Variants in GRID1 observed in about 807,000 individuals in gnomAD.
The protein encoded by GRID1 is glutamate ionotropic receptor delta type subunit 1.
A neutral mutation model predicts 98.0 loss-of-function variants in GRID1; 28 were observed. That is an observed-to-expected ratio of 0.29 (90% CI 0.21 to 0.39). The LOEUF is 0.39. GRID1 is among the 10% of genes least tolerant of loss of function. GRID1 has a pLI of 1.00. For missense variants in GRID1, 1,111 were observed against 1,340.5 expected (o/e 0.83, Z 2.67); for synonymous variants, 553 against 538.5 (o/e 1.03, Z -0.37).
intron 4 of GRID1, among the ~76,000 whole-genome samples, chr10:86,039,793 C>T (rs748322544): frequency 6.6e-6 from 1 of 152,180 alleles, no homozygotes; most frequent in East Asian, 1.9e-4. Flanking sequence ...GGTCTTTAAT[C>T]CACCAATAAA....
At chr10:86,130,932 T>C (rs1844826046) in intron 4 of GRID1, among the ~76,000 whole-genome samples, 1 of 152,256 alleles carries the variant, frequency 6.6e-6, no homozygotes, top group Middle Eastern at 3.4e-3. Context: ...CCTGCCCGTC[T>C]GCGTGCCCCC....
intron 4 of GRID1, among the ~76,000 whole-genome samples, chr10:85,952,369 A>C (rs1842136795): frequency 6.6e-6 from 1 of 152,248 alleles, no homozygotes. Flanking sequence ...TTTAAGATCC[A>C]TCCAGAGGAA....
chr10:85,945,384 T>G (rs1842042741), intron 4 of GRID1, among the ~76,000 whole-genome samples: 1 of 152,216 alleles, frequency 6.6e-6, no homozygotes, highest in Admixed American at 6.5e-5. Flanking sequence ...TAACCCTTTG[T>G]AATACAGTAA....
chr10:86,061,640 C>G (rs182990814), intron 4 of GRID1, among the ~76,000 whole-genome samples: 1 of 152,310 alleles, frequency 6.6e-6, no homozygotes, highest in Admixed American at 6.5e-5. Flanking sequence ...AGGTCCCCAT[C>G]ATGCAGGACT....
intron 3 of GRID1, among the ~76,000 whole-genome samples, chr10:86,181,786 G>C (rs1845658835): frequency 1.3e-5 from 2 of 152,080 alleles, no homozygotes; most frequent in African/African-American, 4.8e-5. Flanking sequence ...ATAATAACAA[G>C]TTTTCTTAAT....
intron 2 of GRID1, among the ~76,000 whole-genome samples, chr10:86,256,224 G>T (rs1316315295): frequency 6.6e-6 from 1 of 152,168 alleles, no homozygotes; most frequent in African/African-American, 2.4e-5. Flanking sequence ...TCACCCTGAG[G>T]CTGCATCTCT....
chr10:86,343,471 G>A (rs551981511), intron 2 of GRID1, among the ~76,000 whole-genome samples: 4 of 152,220 alleles, frequency 2.6e-5, no homozygotes, highest in African/African-American at 7.2e-5. Context: ...TAAAATTACT[G>A]TAAAATTATG....
chr10:85,976,436 A>G (rs1474891128), intron 4 of GRID1, among the ~76,000 whole-genome samples: 2 of 152,208 alleles, frequency 1.3e-5, no homozygotes, highest in African/African-American at 4.8e-5. Context: ...GCTCCTGCTC[A>G]CCAGACCCAT....
At chr10:86,122,150 T>G (rs1844686137) in intron 4 of GRID1, among the ~76,000 whole-genome samples, 1 of 152,226 alleles carries the variant, frequency 6.6e-6, no homozygotes, top group Non-Finnish European at 1.5e-5. Context: ...CCCCACACAT[T>G]ACGTCCTTTA....
At chr10:85,768,473 A>C (rs1842219310) in intron 8 of GRID1, among the ~76,000 whole-genome samples, 1 of 152,198 alleles carries the variant, frequency 6.6e-6, no homozygotes, top group Non-Finnish European at 1.5e-5. Flanking sequence ...TCTGATGAAA[A>C]TATTGGCAAT....
At chr10:86,337,976 G>A (rs1455056101) in intron 2 of GRID1, among the ~76,000 whole-genome samples, 1 of 152,100 alleles carries the variant, frequency 6.6e-6, no homozygotes, top group African/African-American at 2.4e-5. Context: ...CCGAAGTGCT[G>A]GGATTACAGG....
intron 12 of GRID1, among the ~76,000 whole-genome samples, chr10:85,662,725 T>C (rs142136385): frequency 6.6e-6 from 1 of 152,318 alleles, no homozygotes; most frequent in Non-Finnish European, 1.5e-5. Context: ...AGGGCTGCAC[T>C]GTGTCGTAGG....
intron 12 of GRID1, among the ~76,000 whole-genome samples, chr10:85,693,969 T>A (rs575839462): frequency 6.6e-6 from 1 of 152,132 alleles, no homozygotes; most frequent in South Asian, 2.1e-4. Context: ...AAAGAAGTAG[T>A]CAACATTGTG....
In GRID1 at chr10:85,613,454, C is replaced by A; in HGVS notation, c.2554G>T (p.Glu852Ter). 1 of 1,613,894 alleles carries A rather than the reference C, an allele frequency of 6.2e-7. No individual in the cohort carries two copies. The highest frequency in any genetic ancestry group is 8.5e-7 in the Non-Finnish European group (1 of 1,180,000). ...CACCGGTTGCTGTTCCACCACAACT[C>A]CAGGGCAGCCACCAGGCAGGCCAGG... Reference protein sequence around the residue: ...LLLACLVAALELWWNSNRCHQ... With the variant: ...LLLACLVAAL The change falls in exon 15 of 16, where the codon GAG (glutamate) becomes TAG (stop). Residue 852 changes from glutamate (E) to a stop codon, truncating the protein, a stop_gained. Transcript: ENST00000327946. LOFTEE classifies it high-confidence loss of function.
chr10:85,722,868 C>G, intron 12 of GRID1, 135 bp downstream of exon 12: 1 of 491,822 alleles, frequency 2.0e-6, no homozygotes, highest in Non-Finnish European at 3.4e-6. Flanking sequence ...CTTCTCCATG[C>G]ACTAAAGATT....
chr10:86,163,367 C>G (rs1845349926), intron 3 of GRID1, among the ~76,000 whole-genome samples: 1 of 151,434 alleles, frequency 6.6e-6, no homozygotes, highest in East Asian at 1.9e-4. Context: ...TGTAGCTGTC[C>G]TATGAGCATG....
chr10:85,829,256 C>T (rs1297143703), intron 8 of GRID1, among the ~76,000 whole-genome samples: 1 of 151,990 alleles, frequency 6.6e-6, no homozygotes, highest in Non-Finnish European at 1.5e-5. Flanking sequence ...TGGAACATTC[C>T]TTAATGTTAA....
rs186054007 is a variant in GRID1, at chr10:85,736,501, C to T, written c.1234-6887G>A. Among the ~76,000 whole-genome samples, 218 of 152,232 alleles carry T rather than the reference C, an allele frequency of 1.4e-3. 1 individual carries two copies. Among genetic ancestry groups the T allele is most frequent in the Middle Eastern group, 0.014 (4 of 294 alleles). On this transcript the variant is annotated intron_variant, in intron 8 of 15. Transcript: ENST00000327946. Reference sequence around the variant, plus strand: ...AGATTTTATGGCCATGTCTATCAGACCTCATCTGAAATCCCATAAGAGCTA... The same window carrying T: ...AGATTTTATGGCCATGTCTATCAGATCTCATCTGAAATCCCATAAGAGCTA...
chr10:86,059,434 G>A (rs563850728), intron 4 of GRID1, among the ~76,000 whole-genome samples: 11 of 152,322 alleles, frequency 7.2e-5, no homozygotes, highest in East Asian at 1.9e-4. Context: ...TTAGATTTGC[G>A]CATTCATTCA....
Sources: allele counts gnomAD v4.1 joint callset (sites outside exome capture counted in the v4.1 genomes callset), GRCh38; gene constraint gnomAD v4.1.1; transcripts MANE v1.5; gene names NCBI Gene and HGNC (gene_info 2026-07-23, HGNC 2026-07-21).